The following GSG1L variants were observed in gnomAD, a reference collection of about 807,000 sequenced individuals.
GSG1L encodes germ cell-specific gene 1-like protein.
In GSG1L, 24 loss-of-function variants were observed where a neutral mutation model predicts 42.1. The ratio of observed to expected loss-of-function variants is 0.57; its 90% CI spans 0.41 to 0.80. The LOEUF is 0.80. Among genes scored for constraint, GSG1L ranks in the 30% least tolerant of loss-of-function variants. The probability of loss-of-function intolerance (pLI) is 0.00; values close to 1 mark genes in which losing one functional copy is unlikely to be tolerated. For synonymous variants in GSG1L, 215 were observed against 203.5 expected, an observed-to-expected ratio of 1.06 and a Z score of -0.48; for missense variants, 445 against 472.2, an observed-to-expected ratio of 0.94 and a Z score of 0.53.
At chr16:27,921,902 T>C (rs1303114416) in intron 2 of GSG1L, among the ~76,000 whole-genome samples, 1 of 152,124 alleles carries the variant, frequency 6.6e-6, no homozygotes. Flanking sequence ...CTATTTCTAA[T>C]AACCTAAGCC....
At chr16:27,851,501 G>A (rs1353692986) in intron 3 of GSG1L, among the ~76,000 whole-genome samples, 2 of 152,092 alleles carry the variant, frequency 1.3e-5, no homozygotes, top group East Asian at 1.9e-4. Context: ...TGCTGGATCT[G>A]AGTTCTTAAG....
chr16:28,023,875 A>G (rs547212475), intron 1 of GSG1L, among the ~76,000 whole-genome samples: 1 of 152,102 alleles, frequency 6.6e-6, no homozygotes, highest in African/African-American at 2.4e-5. Context: ...ACAAAAAACA[A>G]AAAAATTAGC....
intron 2 of GSG1L, among the ~76,000 whole-genome samples, chr16:27,900,000 G>A (rs1321594030): frequency 1.3e-5 from 2 of 152,136 alleles, no homozygotes; most frequent in Non-Finnish European, 2.9e-5. Flanking sequence ...CTGCACCTCC[G>A]TTGCTGAATC....
chr16:27,854,678 C>T (rs189059273), intron 3 of GSG1L, among the ~76,000 whole-genome samples: 196 of 152,242 alleles, frequency 1.3e-3, no homozygotes, highest in Admixed American at 3.2e-3. Context: ...CTGATGGCCA[C>T]CTGTGTCCAC....
rs576275749 is a variant in GSG1L at position 27,943,686 on chromosome 16, T to C, written c.397+19470A>G. On this transcript the variant is annotated intron_variant, in intron 2 of 6. Coordinates refer to ENST00000447459, the MANE Select transcript of GSG1L (RefSeq NM_001109763.2). ...GCCTCCAGGGTTCAAGCTATTCTTA[T>C]GCCTCAGCCTCTCAAGTAGCTGGAA... 8.0e-5 allele frequency among the ~76,000 whole-genome samples: 12 copies of C among 149,658 alleles called. No homozygotes were observed. The South Asian group carries it at 2.6e-3, about 32-fold the overall frequency.
At chr16:27,864,155 G>T (rs2083688187) in intron 3 of GSG1L, among the ~76,000 whole-genome samples, 1 of 152,168 alleles carries the variant, frequency 6.6e-6, no homozygotes, top group Non-Finnish European at 1.5e-5. Context: ...AAACATCCTA[G>T]AACTGAATCT....
At chr16:27,816,151 A>G (rs1481311544) in intron 5 of GSG1L, among the ~76,000 whole-genome samples, 1 of 152,148 alleles carries the variant, frequency 6.6e-6, no homozygotes, top group African/African-American at 2.4e-5. Flanking sequence ...TCCCAGTTCC[A>G]GAGGTGGAAG....
At chr16:27,845,657 T>G (rs886641209) in intron 3 of GSG1L, among the ~76,000 whole-genome samples, 2 of 152,214 alleles carry the variant, frequency 1.3e-5, no homozygotes, top group African/African-American at 4.8e-5. Flanking sequence ...CAGAGAAAAC[T>G]GCCTGGCTGC....
At chr16:27,842,714 C>T (rs2083400458) in intron 4 of GSG1L, among the ~76,000 whole-genome samples, 1 of 152,104 alleles carries the variant, frequency 6.6e-6, no homozygotes, top group Non-Finnish European at 1.5e-5. Context: ...AAGGCAAATG[C>T]TTTTGGTTTT....
At chr16:27,960,350 C>T (rs2085055496) in intron 2 of GSG1L, among the ~76,000 whole-genome samples, 1 of 152,146 alleles carries the variant, frequency 6.6e-6, no homozygotes, top group Non-Finnish European at 1.5e-5. Context: ...TTACAGGAGC[C>T]AACGTGTGCC....
intron 1 of GSG1L, among the ~76,000 whole-genome samples, chr16:27,986,067 T>A (rs560728472): frequency 1.3e-5 from 2 of 152,288 alleles, no homozygotes; most frequent in South Asian, 4.1e-4. Context: ...CTTAGTACTA[T>A]GACAGAATAT....
At chr16:27,831,089 A>G (rs1398212790) in intron 4 of GSG1L, among the ~76,000 whole-genome samples, 2 of 152,238 alleles carry the variant, frequency 1.3e-5, no homozygotes, top group Non-Finnish European at 2.9e-5. Context: ...GACCCAAGTC[A>G]GGTTCATGAG....
At chr16:27,876,992 G>A (rs571858944) in intron 3 of GSG1L, among the ~76,000 whole-genome samples, 3 of 152,322 alleles carry the variant, frequency 2.0e-5, no homozygotes, top group African/African-American at 7.2e-5. Context: ...ACAGTTAGCT[G>A]GACTGTGCAG....
chr16:27,908,786 C>T (rs979522701), intron 2 of GSG1L, among the ~76,000 whole-genome samples: 6 of 152,206 alleles, frequency 3.9e-5, no homozygotes, highest in Non-Finnish European at 7.3e-5. Context: ...GTTTCCAACA[C>T]ATGAATTTTT....
chr16:27,986,505 CA>C (rs59177321), intron 1 of GSG1L, among the ~76,000 whole-genome samples: 28,674 of 137,468 alleles, frequency 0.21, 2,892 homozygotes, highest in African/African-American at 0.26. Flanking sequence ...GACTCCGCCT[CA>C]AAAAAAAAAA....
At chr16:27,871,233 A>C (rs770664699) in intron 3 of GSG1L, among the ~76,000 whole-genome samples, 10 of 152,112 alleles carry the variant, frequency 6.6e-5, no homozygotes, top group Admixed American at 3.3e-4. Flanking sequence ...ATGCTGCTGG[A>C]CACCCCACAA....
At position 27,960,771 on chromosome 16, in the gene GSG1L, T is replaced by C. The variant is rs116422835; in HGVS notation, c.397+2385A>G. Among the ~76,000 whole-genome samples the C allele has an allele frequency of 8.1e-3, 1,231 of 152,056 alleles. 16 individuals carry two copies. Among genetic ancestry groups the C allele is most frequent in the African/African-American group, 0.028 (1,154 of 41,478 alleles). On this transcript the variant is annotated intron_variant, in intron 2 of 6. Transcript: ENST00000447459. ...AACCCTGCCAACCTCAAGCGAGAGCTACAGTGTTTGAGAGACAGCGAGTAC... is the reference window on the plus strand; with the variant it reads ...AACCCTGCCAACCTCAAGCGAGAGCCACAGTGTTTGAGAGACAGCGAGTAC...
intron 2 of GSG1L, among the ~76,000 whole-genome samples, chr16:27,919,589 T>C (rs1282590326): frequency 6.6e-6 from 1 of 152,102 alleles, no homozygotes; most frequent in African/African-American, 2.4e-5. Context: ...ACATCTAGCT[T>C]CCTAGAATCC....
At chr16:27,934,281 C>T (rs2084690154) in intron 2 of GSG1L, among the ~76,000 whole-genome samples, 1 of 152,182 alleles carries the variant, frequency 6.6e-6, no homozygotes, top group Admixed American at 6.5e-5. Flanking sequence ...TGGTGGCTCA[C>T]GCCTGTAATC....
Sources: allele counts gnomAD v4.1 joint callset (sites outside exome capture counted in the v4.1 genomes callset), GRCh38; gene constraint gnomAD v4.1.1; transcripts MANE v1.5; gene names NCBI Gene and HGNC (gene_info 2026-07-23, HGNC 2026-07-21).